UQCC1: variants seen among roughly 807,000 people sequenced by gnomAD.
UQCC1 encodes ubiquinol-cytochrome c reductase complex assembly factor 1, also known as bFGF-repressed Zic-binding protein.
Under a neutral mutation model 48.0 loss-of-function variants are expected in UQCC1, and 38 were observed. That is an observed-to-expected ratio of 0.79 (90% CI 0.61 to 1.04). UQCC1 has a LOEUF of 1.04. Ranked by LOEUF, UQCC1 falls within the 50% of genes least tolerant of loss-of-function variation. The pLI, the probability that UQCC1 is intolerant of heterozygous loss-of-function variation, is 0.00. For missense variants in UQCC1, 368 were observed against 381.8 expected, an observed-to-expected ratio of 0.96 and a Z score of 0.30; for synonymous variants, 111 against 129.2, an observed-to-expected ratio of 0.86 and a Z score of 0.95.
intron 5 of UQCC1, among the ~76,000 whole-genome samples, chr20:35,369,246 T>TA (rs1266694717): frequency 1.3e-5 from 2 of 152,192 alleles, no homozygotes; most frequent in African/African-American, 4.8e-5. Flanking sequence ...TGCTGGCATA[T>TA]GATTGAGTCC....
intron 7 of UQCC1, among the ~76,000 whole-genome samples, chr20:35,326,014 A>G (rs775043787): frequency 2.0e-5 from 3 of 152,210 alleles, no homozygotes; most frequent in Non-Finnish European, 4.4e-5. Flanking sequence ...GGGTTTAAGC[A>G]CAGGGAAATT....
intron 4 of UQCC1, among the ~76,000 whole-genome samples, chr20:35,379,719 T>C (rs1343251422): frequency 6.6e-6 from 1 of 151,910 alleles, no homozygotes; most frequent in African/African-American, 2.4e-5. Flanking sequence ...GGCAGGAAAA[T>C]TGCTTGAACC....
chr20:35,394,671 C>T (rs2062053555), intron 1 of UQCC1, among the ~76,000 whole-genome samples: 1 of 152,178 alleles, frequency 6.6e-6, no homozygotes, highest in African/African-American at 2.4e-5. Flanking sequence ...CTCAACACTC[C>T]ACTTCTGATA....
intron 7 of UQCC1, among the ~76,000 whole-genome samples, chr20:35,321,260 G>A (rs866115670): frequency 0.012 from 837 of 67,102 alleles, 6 homozygotes; most frequent in African/African-American, 0.041. Flanking sequence ...AACTGTGTGT[G>A]TGTGTGTGTG....
At chr20:35,373,672 A>G (rs945373582) in intron 5 of UQCC1, among the ~76,000 whole-genome samples, 2 of 134,252 alleles carry the variant, frequency 1.5e-5, no homozygotes, top group African/African-American at 5.9e-5. Context: ...GGGCTAATAG[A>G]GCAAGACTCC....
At chr20:35,324,212 C>T (rs1249137402) in intron 7 of UQCC1, among the ~76,000 whole-genome samples, 2 of 152,244 alleles carry the variant, frequency 1.3e-5, no homozygotes, top group Non-Finnish European at 2.9e-5. Flanking sequence ...GTTAAACTCT[C>T]CATTCCATGA....
At chr20:35,319,479 C>T (rs965179814) in intron 7 of UQCC1, among the ~76,000 whole-genome samples, 30 of 152,162 alleles carry the variant, frequency 2.0e-4, no homozygotes, top group Admixed American at 1.5e-3. Flanking sequence ...ATTTGCCATG[C>T]ACTTTTTATG....
At chr20:35,346,242 C>A (rs916911689) in intron 7 of UQCC1, 1 of 152,222 alleles carries the variant, frequency 6.6e-6, no homozygotes, top group Admixed American at 6.5e-5. Context: ...GCTGGCCACC[C>A]TAGCCAGCAG....
At chr20:35,353,118 T>G (rs2146404082) in intron 6 of UQCC1, among the ~76,000 whole-genome samples, 1 of 152,288 alleles carries the variant, frequency 6.6e-6, no homozygotes, top group Middle Eastern at 3.4e-3. Context: ...AAAAGTTTTT[T>G]TAGGTTGGGA....
chr20:35,382,614 G>C (rs1293536060), intron 3 of UQCC1, among the ~76,000 whole-genome samples: 2 of 140,506 alleles, frequency 1.4e-5, no homozygotes, highest in African/African-American at 5.3e-5. Flanking sequence ...CCGGGTTCCC[G>C]CCATTCTCCT....
intron 6 of UQCC1, among the ~76,000 whole-genome samples, chr20:35,356,082 T>C (rs2061543570): frequency 2.0e-5 from 3 of 152,134 alleles, no homozygotes; most frequent in African/African-American, 7.2e-5. Context: ...TGAGATGGGG[T>C]TTCGCCACGT....
intron 7 of UQCC1, among the ~76,000 whole-genome samples, chr20:35,331,838 T>G (rs2061260583): frequency 6.6e-6 from 1 of 152,196 alleles, no homozygotes; most frequent in African/African-American, 2.4e-5. Flanking sequence ...ATATGACAGC[T>G]TATGCTAGGT....
At chr20:35,391,628 T>C (rs1352817663) in intron 2 of UQCC1, among the ~76,000 whole-genome samples, 14 of 51,768 alleles carry the variant, frequency 2.7e-4, no homozygotes, top group African/African-American at 9.1e-4. Context: ...AGTGGGACTC[T>C]GTCTTAAAAA....
At chr20:35,391,612 C>T (rs144889621) in intron 2 of UQCC1, among the ~76,000 whole-genome samples, 487 of 143,826 alleles carry the variant, frequency 3.4e-3, no homozygotes, top group African/African-American at 0.011. Context: ...CCACCCTGGA[C>T]GACAGAGTGG....
At chr20:35,366,375 C>A (rs2061666364) in intron 6 of UQCC1, among the ~76,000 whole-genome samples, 182 bp downstream of exon 6, 1 of 152,156 alleles carries the variant, frequency 6.6e-6, no homozygotes, top group Admixed American at 6.5e-5. Flanking sequence ...TCCTTCTGGG[C>A]TTATGCTTTG....
intron 7 of UQCC1, among the ~76,000 whole-genome samples, chr20:35,333,176 G>A (rs2146351613): frequency 6.6e-6 from 1 of 152,152 alleles, no homozygotes; most frequent in East Asian, 1.9e-4. Flanking sequence ...ACTTACTATG[G>A]CGGCCACAGC....
At chr20:35,312,840 C>T (rs939711295) in intron 8 of UQCC1, among the ~76,000 whole-genome samples, 1 of 152,066 alleles carries the variant, frequency 6.6e-6, no homozygotes, top group Non-Finnish European at 1.5e-5. Context: ...TATGAATTAT[C>T]TACAGTAGTC....
chr20:35,355,220 C>A lies in UQCC1; in HGVS notation c.465-7948G>T, dbSNP rs958222492. On this transcript the variant is annotated intron_variant, in intron 6 of 9. Coordinates refer to ENST00000374385, the MANE Select transcript of UQCC1 (RefSeq NM_018244.5). ...TATAACAAAGTGACATTGAACAGAACAATGTAATTTGAAGAAATGCTATAT... is the reference window on the plus strand; with the variant it reads ...TATAACAAAGTGACATTGAACAGAAAAATGTAATTTGAAGAAATGCTATAT... Among the ~76,000 whole-genome samples the A allele has an allele frequency of 2.0e-5, 3 of 152,124 alleles. No homozygotes were observed. In the East Asian group the frequency reaches 5.8e-4, roughly 29 times the overall value.
chr20:35,316,137 A>G (rs2061056437), intron 7 of UQCC1, among the ~76,000 whole-genome samples: 1 of 152,230 alleles, frequency 6.6e-6, no homozygotes, highest in Admixed American at 6.5e-5. Context: ...TATAGCACAG[A>G]GTAAGGACTC....
Sources: allele counts gnomAD v4.1 joint callset (sites outside exome capture counted in the v4.1 genomes callset), GRCh38; gene constraint gnomAD v4.1.1; transcripts MANE v1.5; gene names NCBI Gene and HGNC (gene_info 2026-07-23, HGNC 2026-07-21).